NCOR1: variants seen among roughly 807,000 people sequenced by gnomAD.
NCOR1 encodes the protein nuclear receptor corepressor 1, also known as protein phosphatase 1, regulatory subunit 109.
A neutral mutation model predicts 288.1 loss-of-function variants in NCOR1; 63 were observed. The observed-to-expected ratio is 0.22, with a 90% confidence interval of 0.18 to 0.27. NCOR1 has a LOEUF of 0.27. Among genes scored for constraint, NCOR1 ranks in the 10% least tolerant of loss-of-function variants. NCOR1 has a pLI of 1.00. For synonymous variants in NCOR1, 1,007 were observed against 1,065.9 expected (o/e 0.94, Z 1.08); for missense variants, 2,397 against 3,019.2 (o/e 0.79, Z 4.83).
At chr17:16,115,056 G>A (rs2071288675) in intron 18 of NCOR1, among the ~76,000 whole-genome samples, 1 of 152,100 alleles carries the variant, frequency 6.6e-6, no homozygotes, top group East Asian at 1.9e-4. Flanking sequence ...CTAGGCAGAG[G>A]TTCCCAAACC....
intron 11 of NCOR1, among the ~76,000 whole-genome samples, chr17:16,141,613 A>C (rs145936946): frequency 0.015 from 2,229 of 152,328 alleles, 26 homozygotes; most frequent in Admixed American, 0.027. Flanking sequence ...CCTACAACAT[A>C]TATCAACACA....
chr17:16,134,689 C>A (rs2153230947), intron 14 of NCOR1, among the ~76,000 whole-genome samples: 1 of 152,290 alleles, frequency 6.6e-6, no homozygotes, highest in Non-Finnish European at 1.5e-5. Context: ...CTAGAGCTCT[C>A]TCCTCTATCA....
At chr17:16,145,716 G>A (rs1012558494) in intron 10 of NCOR1, among the ~76,000 whole-genome samples, 13 of 151,878 alleles carry the variant, frequency 8.6e-5, no homozygotes, top group African/African-American at 3.1e-4. Flanking sequence ...CCGGGAGGTG[G>A]GGGGCAGCCC....
At position 16,032,255 on chromosome 17, in the gene NCOR1, A is replaced by G; in HGVS notation, c.*41T>C. 1.3e-6 allele frequency: 2 copies of G among 1,521,360 alleles called. No homozygotes were observed. Among genetic ancestry groups the G allele is most frequent in the Non-Finnish European group, 1.7e-6 (2 of 1,143,288 alleles). 94.2% of individuals were successfully genotyped at this position (1,521,360 alleles called of 1,614,324 possible). A position where few individuals can be genotyped will look rare whatever the true frequency, so the allele number is the denominator to read the frequency against. ...CTAAAAATTAAACCACAAAAACTAG[A>G]GATCCCTCTCCTGCACCCTGTTCCC... On this transcript the variant is annotated 3_prime_UTR_variant, in exon 46 of 46. Transcript: ENST00000268712.
Position 16,062,215 on chromosome 17 carries a change from A to G in NCOR1, c.5277T>C (p.Pro1759=). The G allele has an allele frequency of 1.2e-6, 2 of 1,613,906 alleles. No homozygotes were observed. The highest frequency in any genetic ancestry group is 8.5e-7 in the Non-Finnish European group (1 of 1,179,976). The part of the protein sequence containing the change: ...GSHGYVRSPS[P]SVRTQETMLQ... ...ACATGGTCTCCTGAGTTCTTACTGA[A>G]GGGGAAGGGGAGCGAACATATCCAT... Residue 1759 remains proline (P), a synonymous_variant, in exon 36 of 46, where the codon CCT becomes CCC. Transcript: ENST00000268712.
At chr17:16,105,372 G>A (rs1416063591) in intron 19 of NCOR1, among the ~76,000 whole-genome samples, 2 of 151,896 alleles carry the variant, frequency 1.3e-5, no homozygotes, top group Non-Finnish European at 2.9e-5. Context: ...AGCCACGATC[G>A]AGCCACTGCA....
At chr17:16,099,795 T>A (rs1004279684) in intron 20 of NCOR1, among the ~76,000 whole-genome samples, 1 of 152,186 alleles carries the variant, frequency 6.6e-6, no homozygotes, top group African/African-American at 2.4e-5. Flanking sequence ...AAAAGAGTGA[T>A]AGTCAAATTT....
chr17:16,087,038 G>T, intron 22 of NCOR1: 1 of 580,794 alleles, frequency 1.7e-6, no homozygotes, highest in Non-Finnish European at 2.6e-6. Flanking sequence ...ATGATGGAAC[G>T]CAGAGAAACA....
chr17:16,097,158 A>G (rs979227671), intron 21 of NCOR1, among the ~76,000 whole-genome samples: 1 of 152,202 alleles, frequency 6.6e-6, no homozygotes, highest in Non-Finnish European at 1.5e-5. Flanking sequence ...TGTCTTTTGT[A>G]TGCTAACAAG....
At chr17:16,080,954 ATACAT>A (rs1477783664) in intron 23 of NCOR1, among the ~76,000 whole-genome samples, 2 of 152,002 alleles carry the variant, frequency 1.3e-5, no homozygotes, top group South Asian at 2.1e-4. Context: ...TAAAATTACC[ATACAT>A]TACATGTAAA....
intron 8 of NCOR1, 62 bp downstream of exon 8, chr17:16,151,884 A>G: frequency 8.1e-7 from 1 of 1,241,124 alleles, no homozygotes; most frequent in South Asian, 1.3e-5. Context: ...GATAACAAAA[A>G]TGATCTCTTT....
At chr17:16,152,986 G>C (rs529960455) in intron 7 of NCOR1, among the ~76,000 whole-genome samples, 10 of 152,108 alleles carry the variant, frequency 6.6e-5, no homozygotes, top group African/African-American at 2.4e-4. Flanking sequence ...TTTATGCACA[G>C]ATTTTTAATT....
chr17:16,111,241 C>T (rs1314896279), intron 18 of NCOR1, among the ~76,000 whole-genome samples: 2 of 152,204 alleles, frequency 1.3e-5, no homozygotes, highest in African/African-American at 4.8e-5. Flanking sequence ...CAAGCATTTT[C>T]TTCAATATAT....
intron 42 of NCOR1, among the ~76,000 whole-genome samples, chr17:16,046,111 C>T (rs750633954): frequency 4.6e-5 from 7 of 152,136 alleles, no homozygotes; most frequent in Admixed American, 1.3e-4. Flanking sequence ...TATTTTTACA[C>T]GGTTAGTTTA....
chr17:16,165,843 C>T (rs1409138375), intron 4 of NCOR1, among the ~76,000 whole-genome samples: 1 of 152,236 alleles, frequency 6.6e-6, no homozygotes, highest in Non-Finnish European at 1.5e-5. Context: ...CATCCACACA[C>T]ACCCTATTAA....
chr17:16,096,244 C>T (rs185999458), intron 21 of NCOR1, among the ~76,000 whole-genome samples: 1 of 152,190 alleles, frequency 6.6e-6, no homozygotes, highest in Non-Finnish European at 1.5e-5. Context: ...CTTCCCTCCG[C>T]TGTTGTCCTA....
intron 14 of NCOR1, among the ~76,000 whole-genome samples, chr17:16,130,466 A>G (rs1237240329): frequency 6.6e-6 from 1 of 152,136 alleles, no homozygotes. Context: ...AATATTCGCA[A>G]TGGCTCGTTG....
In NCOR1 at chr17:16,146,295, A is replaced by T. The variant is rs1008196237; in HGVS notation, c.1082+81T>A. 6.7e-6 allele frequency: 9 copies of T among 1,333,410 alleles called. No homozygotes were observed. The African/African-American group carries it at 1.3e-4, about 20-fold the overall frequency. The allele number at this position is 1,333,410 out of a possible 1,614,324, so 82.6% of individuals were successfully genotyped here. On this transcript the variant is annotated intron_variant, in intron 10 of 45. Transcript: ENST00000268712. The stretch of plus-strand genomic sequence containing the variant: ...AGAAACACCCAAGAATGATCAATAC[A>T]TACTAAAAAAATTTTTAAAAAAAAG...
intron 37 of NCOR1, among the ~76,000 whole-genome samples, chr17:16,059,331 T>C (rs929029693): frequency 1.3e-5 from 2 of 152,198 alleles, no homozygotes; most frequent in Admixed American, 6.5e-5. Context: ...CTATGGATTA[T>C]ATAACACTAT....
Sources: allele counts gnomAD v4.1 joint callset (sites outside exome capture counted in the v4.1 genomes callset), GRCh38; gene constraint gnomAD v4.1.1; transcripts MANE v1.5; gene names NCBI Gene and HGNC (gene_info 2026-07-23, HGNC 2026-07-21).